ZFHX3: variants seen among roughly 807,000 people sequenced by gnomAD.
The protein encoded by ZFHX3 is zinc finger homeobox 3.
Under a neutral mutation model 279.1 loss-of-function variants are expected in ZFHX3, and 42 were observed. The observed-to-expected ratio is 0.15, with a 90% CI of 0.12 to 0.19. The LOEUF (loss-of-function observed/expected upper bound fraction) is 0.19, where lower values mean the gene tolerates loss of function less well. ZFHX3 is among the 10% of genes least tolerant of loss of function. The pLI is 1.00. For synonymous variants in ZFHX3, 2,293 were observed against 1,957.8 expected, an observed-to-expected ratio of 1.17 and a Z score of -4.52; for missense variants, 4,981 against 4,754.0, an observed-to-expected ratio of 1.05 and a Z score of -1.40.
rs1461379099 is a variant in ZFHX3, at chr16:72,823,906, C to G, written c.3529+5873G>C. On this transcript the variant is annotated intron_variant, in intron 5 of 9. Transcript: ENST00000268489. ...CTGTATTTTTCCTAACACGTTTCCT[C>G]TCAGCACATACCTTCTTTTGTCCTT... Among the ~76,000 whole-genome samples the G allele has an allele frequency of 5.3e-5, 8 of 152,144 alleles. No individual in the cohort carries two copies. In the East Asian group the frequency reaches 9.6e-4, roughly 18 times the overall value.
intron 7 of ZFHX3, among the ~76,000 whole-genome samples, chr16:73,122,667 T>C (rs1297380837): frequency 7.9e-5 from 12 of 152,132 alleles, no homozygotes; most frequent in South Asian, 6.2e-4. Flanking sequence ...AGCATCCTGT[T>C]CCTAGTGGGG....
chr16:73,466,133 A>T (rs1326481728), intron 2 of ZFHX3, among the ~76,000 whole-genome samples: 1 of 152,124 alleles, frequency 6.6e-6, no homozygotes, highest in Non-Finnish European at 1.5e-5. Context: ...AGCTCTACAA[A>T]GCAGGAGGCC....
At chr16:73,368,277 T>C (rs568304320) in intron 3 of ZFHX3, among the ~76,000 whole-genome samples, 1 of 152,362 alleles carries the variant, frequency 6.6e-6, no homozygotes, top group South Asian at 2.1e-4. Flanking sequence ...AAAAAGCCTC[T>C]GTAAAATGTT....
intron 3 of ZFHX3, among the ~76,000 whole-genome samples, chr16:72,946,920 C>T (rs1960708871): frequency 6.6e-6 from 1 of 152,168 alleles, no homozygotes; most frequent in African/African-American, 2.4e-5. Context: ...GAGACAAGTG[C>T]CTTCTGCATT....
intron 4 of ZFHX3, among the ~76,000 whole-genome samples, chr16:73,307,016 C>T (rs1475410869): frequency 1.3e-5 from 2 of 152,170 alleles, no homozygotes; most frequent in African/African-American, 4.8e-5. Context: ...AACAGCAAGA[C>T]CACAAAACTG....
At chr16:72,931,824 G>A (rs1242466057) in intron 3 of ZFHX3, among the ~76,000 whole-genome samples, 1 of 152,192 alleles carries the variant, frequency 6.6e-6, no homozygotes, top group African/African-American at 2.4e-5. Flanking sequence ...TATGCAACGA[G>A]GGTATGTGAG....
chr16:72,898,970 A>G (rs1458836576), intron 3 of ZFHX3, among the ~76,000 whole-genome samples: 1 of 152,088 alleles, frequency 6.6e-6, no homozygotes, highest in Non-Finnish European at 1.5e-5. Context: ...ATGTAGGTGG[A>G]TAAAACAACA....
At chr16:72,924,326 T>C (rs1171258496) in intron 3 of ZFHX3, among the ~76,000 whole-genome samples, 2 of 152,172 alleles carry the variant, frequency 1.3e-5, no homozygotes, top group Non-Finnish European at 2.9e-5. Context: ...CTAGGAATAG[T>C]TCAAGAAAAC....
rs775116205 is a variant in ZFHX3 at position 72,796,103 on chromosome 16, G to A, written c.6579C>T (p.Phe2193=). The change falls in exon 9 of 10, where the codon TTC becomes TTT. Residue 2193 remains phenylalanine, a synonymous_variant. Coordinates refer to ENST00000268489, the MANE Select transcript of ZFHX3 (RefSeq NM_006885.4). ...GLPQKVIKHW[F]RNTLFKERQR... is the part of the protein sequence containing the mutation. ...GCCTCTCTTTGAAGAGAGTGTTCCTGAACCAGTGCTTGATCACTTTCTGGG... is the reference window on the plus strand; with the variant it reads ...GCCTCTCTTTGAAGAGAGTGTTCCTAAACCAGTGCTTGATCACTTTCTGGG... 1.9e-6 allele frequency: 3 copies of A among 1,614,208 alleles called. No homozygotes were observed. Among genetic ancestry groups the A allele is most frequent in the Admixed American group, 1.7e-5 (1 of 60,032 alleles).
chr16:73,495,029 G>A (rs950702807), intron 2 of ZFHX3, among the ~76,000 whole-genome samples: 1 of 152,204 alleles, frequency 6.6e-6, no homozygotes, highest in Non-Finnish European at 1.5e-5. Flanking sequence ...TGGCAGGGGA[G>A]GAAACAGCAT....
At chr16:73,176,167 A>G (rs779164189) in intron 5 of ZFHX3, among the ~76,000 whole-genome samples, 1 of 152,186 alleles carries the variant, frequency 6.6e-6, no homozygotes. Context: ...GGAGGCTCAC[A>G]CTTTCATTTA....
intron 5 of ZFHX3, among the ~76,000 whole-genome samples, chr16:73,198,348 T>C (rs1338916326): frequency 6.6e-6 from 1 of 151,944 alleles, no homozygotes; most frequent in African/African-American, 2.4e-5. Context: ...TATCTTTTTT[T>C]TTTTTTTTTT....
intron 1 of ZFHX3, among the ~76,000 whole-genome samples, chr16:73,010,300 ACT>A (rs1567631079): frequency 6.6e-6 from 1 of 151,914 alleles, no homozygotes; most frequent in South Asian, 2.1e-4. Context: ...GGAGTTCAAG[ACT>A]CTGCACCGTT....
At chr16:72,923,396 G>T (rs1213464325) in intron 3 of ZFHX3, among the ~76,000 whole-genome samples, 1 of 147,590 alleles carries the variant, frequency 6.8e-6, no homozygotes, top group Non-Finnish European at 1.5e-5. Flanking sequence ...AGTGAGCTGT[G>T]ATCACACCAC....
At chr16:73,782,164 G>A (rs556895535) in intron 1 of ZFHX3, among the ~76,000 whole-genome samples, 11 of 152,200 alleles carry the variant, frequency 7.2e-5, no homozygotes, top group South Asian at 2.1e-4. Context: ...AAAGTTAACC[G>A]TACACGGAGC....
intron 6 of ZFHX3, among the ~76,000 whole-genome samples, chr16:73,139,121 C>T (rs553747833): frequency 2.1e-4 from 32 of 152,292 alleles, no homozygotes; most frequent in Admixed American, 9.8e-4. Context: ...ATTCACTAAG[C>T]ACAAAGATGT....
chr16:73,867,787 G>A (rs1962065515), intron 1 of ZFHX3, among the ~76,000 whole-genome samples: 1 of 152,280 alleles, frequency 6.6e-6, no homozygotes, highest in South Asian at 2.1e-4. Context: ...CTGAGAAGGT[G>A]GGTTCAGGTG....
At chr16:73,197,915 G>C (rs1240102959) in intron 5 of ZFHX3, among the ~76,000 whole-genome samples, 2 of 113,678 alleles carry the variant, frequency 1.8e-5, no homozygotes, top group African/African-American at 6.3e-5. Flanking sequence ...TAGAGTATCT[G>C]ATTTGGTGGT....
chr16:73,709,097 T>C (rs2639318), intron 1 of ZFHX3, among the ~76,000 whole-genome samples: 137,080 of 152,156 alleles, frequency 0.9, 62,148 homozygotes, highest in Non-Finnish European at 0.95. Flanking sequence ...CTCCCATGTC[T>C]ACTGCAGCAT....
Sources: gnomAD v4.1 joint callset for allele counts (sites outside exome capture counted in the v4.1 genomes callset) on GRCh38, gnomAD v4.1.1 for gene constraint, MANE v1.5 for transcripts, NCBI Gene and HGNC (gene_info 2026-07-23, HGNC 2026-07-21) for gene names.